POLR2F: variants seen among roughly 807,000 people sequenced by gnomAD.
The protein encoded by POLR2F is DNA-directed RNA polymerases I, II, and III subunit RPABC2.
In POLR2F, 12 loss-of-function variants were observed where a neutral mutation model predicts 22.7. The ratio of observed to expected loss-of-function variants is 0.53; its 90% CI spans 0.34 to 0.86. The LOEUF (loss-of-function observed/expected upper bound fraction) is 0.86, where lower values mean the gene tolerates loss of function less well. Ranked by LOEUF, POLR2F falls within the 40% of genes least tolerant of loss-of-function variation. POLR2F has a pLI of 0.02. For missense variants in POLR2F, 126 were observed against 171.5 expected (o/e 0.73, Z 1.48); for synonymous variants, 57 against 66.0 (o/e 0.86, Z 0.66).
chr22:38,041,663 T>A (rs2085173459), downstream of POLR2F: 1 of 152,584 alleles, frequency 6.6e-6, no homozygotes, highest in Admixed American at 6.5e-5. Flanking sequence ...AGACATTAAG[T>A]CTGCAATATT....
At chr22:37,971,050 G>A (rs574710239), downstream of POLR2F, 134 of 343,230 alleles carry the variant, frequency 3.9e-4, no homozygotes, top group African/African-American at 2.8e-3. Context: ...GCTACTTCTT[G>A]GTGCCCTGCC....
chr22:38,038,739 C>T (rs897953562), intron 5 of POLR2F, among the ~76,000 whole-genome samples: 1 of 152,018 alleles, frequency 6.6e-6, no homozygotes, highest in South Asian at 2.1e-4. Flanking sequence ...CCCCTCCCTG[C>T]CCCTCTCGCT....
chr22:38,039,686 C>T (rs1433200477), intron 5 of POLR2F, among the ~76,000 whole-genome samples: 1 of 152,248 alleles, frequency 6.6e-6, no homozygotes, highest in African/African-American at 2.4e-5. Context: ...GAAGCAAAGG[C>T]ACTGCTGGCG....
chr22:38,016,291 A>G lies in POLR2F; in HGVS notation c.121-9578A>G, dbSNP rs544422407. Among the ~76,000 whole-genome samples the G allele has an allele frequency of 6.6e-5, 10 of 152,270 alleles. No homozygotes were observed. The East Asian group carries it at 1.7e-3, about 26-fold the overall frequency. ...GGGTCATTTCAGAAGGCCTCCTCCAATGAGGCATTACTCTGGACAAAGCCC... is the reference window on the plus strand; with the variant it reads ...GGGTCATTTCAGAAGGCCTCCTCCAGTGAGGCATTACTCTGGACAAAGCCC... On this transcript the variant is annotated intron_variant, in intron 1 of 2. Transcript: ENST00000333418. The surrounding 1 kb of genome is among the most constrained non-coding windows in gnomAD (Gnocchi z 4.4).
At chr22:38,018,581 G>C (rs940485542) in intron 1 of POLR2F, among the ~76,000 whole-genome samples, 1 of 152,168 alleles carries the variant, frequency 6.6e-6, no homozygotes, top group Non-Finnish European at 1.5e-5. Flanking sequence ...CTCCATCTGG[G>C]GCTGGGCTGG....
At chr22:38,025,200 A>G (rs951732211) in intron 1 of POLR2F, among the ~76,000 whole-genome samples, 2 of 152,096 alleles carry the variant, frequency 1.3e-5, no homozygotes, top group African/African-American at 4.8e-5. Context: ...AGATGTTCCC[A>G]AATATGGTCC....
rs1422017165 is a variant in POLR2F, at chr22:37,997,596, G to A, written c.120+11284G>A. The stretch of plus-strand genomic sequence containing the variant: ...AGAGATGGGGAGAGCTGACAAGTTA[G>A]AGAAGCCAAGGCTTGTGGCAACCTG... On this transcript the variant is annotated intron_variant, in intron 1 of 2. Coordinates refer to the POLR2F transcript ENST00000333418. The surrounding 1 kb of genome is among the most constrained non-coding windows in gnomAD (Gnocchi z 4.4). 6.6e-6 allele frequency among the ~76,000 whole-genome samples: 1 copy of A among 152,136 alleles called. No homozygotes were observed. Among genetic ancestry groups the A allele is most frequent in the Non-Finnish European group, 1.5e-5 (1 of 68,014 alleles).
At chr22:37,981,845 G>A (rs1394602160), upstream of POLR2F, among the ~76,000 whole-genome samples, 1 of 152,202 alleles carries the variant, frequency 6.6e-6, no homozygotes, top group Non-Finnish European at 1.5e-5. Flanking sequence ...TGGTCGCTGA[G>A]CCCTGGGCCT....
At chr22:37,970,806 ACC>A (rs895749121), downstream of POLR2F, 14 of 170,228 alleles carry the variant, frequency 8.2e-5, no homozygotes, top group Non-Finnish European at 1.5e-4. Flanking sequence ...AATGGGTCAA[ACC>A]CAACAAGGTG....
chr22:37,970,604 T>TAAAAAAAA (rs34693298), downstream of POLR2F: 1 of 57,868 alleles, frequency 1.7e-5, no homozygotes, highest in African/African-American at 8.0e-5. Flanking sequence ...AGACTCCATC[T>TAAAAAAAA]AAAAAAAAAA....
intron 4 of POLR2F, among the ~76,000 whole-genome samples, chr22:37,975,858 G>A (rs996629301): frequency 1.3e-5 from 2 of 152,098 alleles, no homozygotes; most frequent in Non-Finnish European, 2.9e-5. Flanking sequence ...AGACCTGACT[G>A]GATGGGATAG....
chr22:38,023,154 G>A (rs1393449216), intron 1 of POLR2F, among the ~76,000 whole-genome samples: 1 of 152,242 alleles, frequency 6.6e-6, no homozygotes, highest in Non-Finnish European at 1.5e-5. Flanking sequence ...GATAGGGACT[G>A]GGAGGAGGGT....
chr22:37,973,677 G>A (rs766682104), downstream of POLR2F: 9 of 1,612,724 alleles, frequency 5.6e-6, no homozygotes, highest in Admixed American at 1.3e-4. Context: ...GGTCCTGAGG[G>A]CTGATGGTCA....
At chr22:37,955,222 T>A (rs1316711919) in intron 1 of POLR2F, among the ~76,000 whole-genome samples, 2 of 149,792 alleles carry the variant, frequency 1.3e-5, no homozygotes, top group Non-Finnish European at 3.0e-5. Context: ...TTTTTTTTTT[T>A]AGATGAGGAA....
Position 38,016,846 on chromosome 22 carries a change from A to T in POLR2F, c.121-9023A>T, listed in dbSNP as rs2084920122. ...GAGAGAGAGAAGGAAAAAAAAAAAG[A>T]TACAAGCTGGGGAGGGAAGAGGAGG... is the stretch of plus-strand genomic sequence containing the variant. On this transcript the variant is annotated intron_variant, in intron 1 of 2. Transcript: ENST00000333418. This position sits in a 1 kb window ranked among gnomAD's most constrained non-coding sequence, Gnocchi z 4.4. Among the ~76,000 whole-genome samples the T allele has an allele frequency of 6.6e-6, 1 of 151,348 alleles. No individual in the cohort carries two copies. Among genetic ancestry groups the T allele is most frequent in the South Asian group, 2.1e-4 (1 of 4,824 alleles).
intron 5 of POLR2F, among the ~76,000 whole-genome samples, chr22:38,038,310 G>A (rs1358877385): frequency 2.0e-5 from 3 of 152,170 alleles, no homozygotes; most frequent in Admixed American, 6.5e-5. Flanking sequence ...TTCAGAGGGC[G>A]TCCTCTTGAG....
At chr22:37,973,819 C>G (rs764180850), downstream of POLR2F, 51 of 1,601,094 alleles carry the variant, frequency 3.2e-5, 1 homozygote, top group South Asian at 2.6e-4. Flanking sequence ...GCCCCGCGGT[C>G]TCTGTCTTCA....
In POLR2F at chr22:38,016,208, G is replaced by A. The variant is rs606231342; in HGVS notation, c.121-9661G>A. On this transcript the variant is annotated intron_variant, in intron 1 of 2. Transcript: ENST00000333418. The surrounding 1 kb of genome is among the most constrained non-coding windows in gnomAD (Gnocchi z 4.4). ...GTTTTGCCCTGAAAGGCACAGCTGG[G>A]CCAAAGCCTGGGGTCATCATCATGT... is the stretch of plus-strand genomic sequence containing the variant. Among the ~76,000 whole-genome samples the A allele has an allele frequency of 1.3e-5, 2 of 152,202 alleles. No homozygotes were observed. Among genetic ancestry groups the A allele is most frequent in the African/African-American group, 2.4e-5 (1 of 41,438 alleles).
downstream of POLR2F, chr22:37,972,089 G>C (rs1313525656): frequency 9.2e-6 from 3 of 325,528 alleles, no homozygotes; most frequent in Non-Finnish European, 1.8e-5. Flanking sequence ...GAGAGGGGGA[G>C]GGGGGAGAGA....
Sources: allele counts gnomAD v4.1 joint callset (sites outside exome capture counted in the v4.1 genomes callset), GRCh38; gene constraint gnomAD v4.1.1; non-coding constraint Gnocchi (gnomAD v3.1); transcripts MANE v1.5; gene names NCBI Gene and HGNC (gene_info 2026-07-23, HGNC 2026-07-21).